The following CALD1 variants were observed in gnomAD, a reference collection of about 807,000 sequenced individuals.
CALD1 encodes caldesmon.
A neutral mutation model predicts 99.9 loss-of-function variants in CALD1; 33 were observed. The observed-to-expected ratio is 0.33, with a 90% CI of 0.25 to 0.44. The LOEUF (loss-of-function observed/expected upper bound fraction) is 0.44. Among genes scored for constraint, CALD1 ranks in the 20% least tolerant of loss-of-function variants. The pLI is 1.00. For synonymous variants in CALD1, 310 were observed against 325.0 expected, an observed-to-expected ratio of 0.95 and a Z score of 0.50; for missense variants, 861 against 962.1, an observed-to-expected ratio of 0.89 and a Z score of 1.39.
chr7:134,888,065 T>A (rs1388080203), intron 3 of CALD1, among the ~76,000 whole-genome samples: 1 of 152,204 alleles, frequency 6.6e-6, no homozygotes, highest in Non-Finnish European at 1.5e-5. Context: ...AAGTTATTTT[T>A]AAAAAATCAT....
Position 134,764,163 on chromosome 7 carries a change from G to A in CALD1, c.-130+19800G>A, listed in dbSNP as rs144474474. Among the ~76,000 whole-genome samples, 288 of 152,108 alleles carry A rather than the reference G, an allele frequency of 1.9e-3. 1 individual carries two copies. The highest frequency in any genetic ancestry group is 6.5e-3 in the African/African-American group (271 of 41,472). ...CATTAGCTCCCCTTTCCAGACACCT[G>A]CACCTCTTAATTAGGGTAGCAACAA... is the stretch of plus-strand genomic sequence containing the variant. On this transcript the variant is annotated intron_variant, in intron 1 of 13. Coordinates refer to the CALD1 transcript ENST00000417172.
intron 3 of CALD1, among the ~76,000 whole-genome samples, chr7:134,878,212 TCTCA>T: frequency 6.6e-6 from 1 of 152,132 alleles, no homozygotes; most frequent in African/African-American, 2.4e-5. Flanking sequence ...CTCTCCAGAC[TCTCA>T]GGTAAAGGTG....
At chr7:134,719,564 G>C in the CALD1 span, among the ~76,000 whole-genome samples, 1 of 152,180 alleles carries the variant, frequency 6.6e-6, no homozygotes, top group Non-Finnish European at 1.5e-5. Context: ...AGCAGGCAGA[G>C]AACAGCGTCC....
rs1412147059 is a variant in CALD1 at position 134,960,066 on chromosome 7, A to C, written c.2154A>C (p.Lys718Asn). ...GCAACATCAAGAGTATGTGGGAGAA[A>C]GGGAATGTGTTTTCATCCCCCACTG... ...GVRNIKSMWE[K>N]GNVFSSPTAA... Residue 718 changes from lysine to asparagine, a missense_variant, in exon 12 of 15, where the codon AAA (lysine) becomes AAC (asparagine). Lys to Asn is a moderately conservative substitution (Grantham distance 94, BLOSUM62 0). Around this residue, in one of 5 missense-constraint regions of CALD1, gnomAD observed 190 missense variants for 249.0 expected, o/e 0.76. Transcript: ENST00000361675. The C allele has an allele frequency of 6.2e-6, 10 of 1,613,998 alleles. No homozygotes were observed. The Admixed American group carries it at 8.3e-5, about 13-fold the overall frequency.
In CALD1 at chr7:134,968,532, T is replaced by G. The variant is rs769408139; in HGVS notation, c.*187T>G. On this transcript the variant is annotated 3_prime_UTR_variant, in exon 15 of 15. Coordinates refer to ENST00000361675, the MANE Select transcript of CALD1 (RefSeq NM_033138.4). Reference sequence around the variant, plus strand: ...AATCACAGTCTAGAGATGTTCATGGTAAAAGTACTGCCTTTGCACAGGAGC... The same window carrying G: ...AATCACAGTCTAGAGATGTTCATGGGAAAAGTACTGCCTTTGCACAGGAGC... 13 of 715,864 alleles carry G rather than the reference T, an allele frequency of 1.8e-5. No homozygotes were observed. Among genetic ancestry groups the G allele is most frequent in the Non-Finnish European group, 2.8e-5 (11 of 389,438 alleles). 44.3% of individuals were successfully genotyped at this position (715,864 alleles called of 1,614,324 possible).
intron 1 of CALD1, among the ~76,000 whole-genome samples, chr7:134,808,702 G>A (rs910761921): frequency 1.3e-5 from 2 of 152,204 alleles, no homozygotes; most frequent in Admixed American, 6.5e-5. Context: ...GCCTGGTGAA[G>A]CATTATTTCT....
chr7:134,747,203 TAGA>T (rs1196964889), intron 1 of CALD1, among the ~76,000 whole-genome samples: 5 of 152,146 alleles, frequency 3.3e-5, no homozygotes, highest in African/African-American at 7.2e-5. Context: ...GAACCAAAGA[TAGA>T]AGAAGTGACT....
At chr7:134,857,582 A>G (rs554287389) in intron 2 of CALD1, among the ~76,000 whole-genome samples, 6 of 152,244 alleles carry the variant, frequency 3.9e-5, no homozygotes, top group Admixed American at 6.5e-5. Flanking sequence ...TATCTAAATT[A>G]CTATCTAAAT....
In CALD1 at chr7:134,880,479, A is replaced by G. The variant is rs140410122; in HGVS notation, c.71+12675A>G. On this transcript the variant is annotated intron_variant, in intron 3 of 14. Coordinates refer to ENST00000361675, the MANE Select transcript of CALD1 (RefSeq NM_033138.4). ...GATGATGGGTTATCAGGCTGATTCA[A>G]AGACAAGAAGCATCATCAGGTCTAA... Among the ~76,000 whole-genome samples the G allele has an allele frequency of 3.3e-4, 50 of 152,332 alleles. No individual in the cohort carries two copies. In the East Asian group the frequency reaches 9.4e-3, roughly 29 times the overall value.
At chr7:134,728,813 A>G in the CALD1 span, among the ~76,000 whole-genome samples, 1 of 150,700 alleles carries the variant, frequency 6.6e-6, no homozygotes, top group East Asian at 1.9e-4. Flanking sequence ...TACAAAAATC[A>G]CAGGAGGAAC....
the CALD1 span, among the ~76,000 whole-genome samples, chr7:134,716,568 C>T: frequency 6.6e-6 from 1 of 151,964 alleles, no homozygotes; most frequent in Non-Finnish European, 1.5e-5. Context: ...AATAAATTGG[C>T]AAAAATATAA....
chr7:134,813,484 T>C (rs1222136198), intron 1 of CALD1, among the ~76,000 whole-genome samples: 1 of 151,878 alleles, frequency 6.6e-6, no homozygotes, highest in African/African-American at 2.4e-5. Context: ...CTAAGTAGGG[T>C]TGACCTTCAA....
chr7:134,724,702 T>G, the CALD1 span, among the ~76,000 whole-genome samples: 1 of 152,200 alleles, frequency 6.6e-6, no homozygotes, highest in Non-Finnish European at 1.5e-5. Context: ...GTCCTTAGCT[T>G]CTTTAAGCCT....
At chr7:134,936,589 G>A (rs1422581056) in intron 6 of CALD1, among the ~76,000 whole-genome samples, 1 of 152,172 alleles carries the variant, frequency 6.6e-6, no homozygotes, top group Non-Finnish European at 1.5e-5. Context: ...TAGCCAACAT[G>A]CTCCAACCCA....
chr7:134,885,394 T>C (rs74419018), intron 3 of CALD1, among the ~76,000 whole-genome samples: 2,639 of 152,204 alleles, frequency 0.017, 74 homozygotes, highest in African/African-American at 0.06. Flanking sequence ...TCTCTAGCAA[T>C]AGGAGCAATA....
At chr7:134,834,426 T>G (rs1424234561) in intron 1 of CALD1, among the ~76,000 whole-genome samples, 2 of 152,238 alleles carry the variant, frequency 1.3e-5, no homozygotes, top group African/African-American at 4.8e-5. Flanking sequence ...AACCAGCTCC[T>G]GCTAAATGGA....
At chr7:134,786,400 T>C (rs1356753811) in intron 1 of CALD1, among the ~76,000 whole-genome samples, 2 of 152,018 alleles carry the variant, frequency 1.3e-5, no homozygotes, top group Admixed American at 1.3e-4. Context: ...TATAATTATA[T>C]TATGTGTGGG....
chr7:134,924,389 A>T (rs975225899), intron 3 of CALD1, among the ~76,000 whole-genome samples: 1 of 152,196 alleles, frequency 6.6e-6, no homozygotes, highest in African/African-American at 2.4e-5. Context: ...ATTTCGGAAG[A>T]AAAAATAATA....
chr7:134,725,153 G>A, the CALD1 span, among the ~76,000 whole-genome samples: 7 of 152,194 alleles, frequency 4.6e-5, no homozygotes, highest in Non-Finnish European at 7.3e-5. Context: ...CCATTCTCCA[G>A]GGCCACAGCC....
Sources: gnomAD v4.1 joint callset for allele counts (sites outside exome capture counted in the v4.1 genomes callset) on GRCh38, gnomAD v4.1.1 for gene constraint, gnomAD v4.1.1 regional missense constraint, MANE v1.5 for transcripts, NCBI Gene and HGNC (gene_info 2026-07-23, HGNC 2026-07-21) for gene names.